The following DTNA variants were observed in gnomAD, a reference collection of about 807,000 sequenced individuals.
DTNA encodes dystrophin-related protein 3.
In DTNA, 43 loss-of-function variants were observed where a neutral mutation model predicts 100.7. The observed-to-expected ratio is 0.43, with a 90% CI of 0.33 to 0.55. DTNA has a LOEUF of 0.55. Ranked by LOEUF, DTNA falls within the 20% of genes least tolerant of loss-of-function variation. The pLI, the probability that DTNA is intolerant of heterozygous loss-of-function variation, is 0.04. For synonymous variants in DTNA, 349 were observed against 347.9 expected (o/e 1.00, Z -0.04); for missense variants, 798 against 953.9 (o/e 0.84, Z 2.15).
intron 9 of DTNA, among the ~76,000 whole-genome samples, chr18:34,824,390 G>T (rs1033534133): frequency 3.2e-4 from 48 of 152,140 alleles, no homozygotes; most frequent in African/African-American, 1.0e-3. Flanking sequence ...GCAGGAGAAT[G>T]GCGTGAACCA....
intron 1 of DTNA, among the ~76,000 whole-genome samples, chr18:34,614,659 A>C (rs2054887339): frequency 6.6e-6 from 1 of 152,192 alleles, no homozygotes; most frequent in Non-Finnish European, 1.5e-5. Context: ...AAAGAAATAG[A>C]ATTAGAAGTA....
rs1027535673 is a variant in DTNA, at chr18:34,578,450, C to T, written c.-2+84936C>T. ...GCTGCCTGCTTACTGTTCCTTTTGC[C>T]ATGCAAAAGCTCTTTAGTTTAATTA... On this transcript the variant is annotated intron_variant, in intron 1 of 19. Transcript: ENST00000283365. Among the ~76,000 whole-genome samples the T allele has an allele frequency of 2.0e-5, 3 of 147,902 alleles. No individual in the cohort carries two copies. The East Asian group carries it at 5.8e-4, about 29-fold the overall frequency.
At chr18:34,857,717 A>G (rs2096570118) in intron 15 of DTNA, among the ~76,000 whole-genome samples, 1 of 152,186 alleles carries the variant, frequency 6.6e-6, no homozygotes, top group Non-Finnish European at 1.5e-5. Flanking sequence ...TTTAAGAAAA[A>G]AAAAAGAGAA....
At chr18:34,571,491 A>G (rs922586636) in intron 1 of DTNA, among the ~76,000 whole-genome samples, 5 of 152,078 alleles carry the variant, frequency 3.3e-5, no homozygotes, top group Non-Finnish European at 7.4e-5. Flanking sequence ...CTGTAATCCC[A>G]TCACTTTGGG....
chr18:34,618,116 C>T (rs530531218), intron 1 of DTNA, among the ~76,000 whole-genome samples: 12 of 152,182 alleles, frequency 7.9e-5, no homozygotes, highest in East Asian at 5.8e-4. Context: ...GTTAATTTTC[C>T]GGAAGAGGAA....
intron 1 of DTNA, among the ~76,000 whole-genome samples, chr18:34,586,531 G>T (rs2049156054): frequency 1.3e-5 from 2 of 151,932 alleles, no homozygotes; most frequent in South Asian, 4.2e-4. Context: ...TAACACAAAT[G>T]AATATGCTGA....
At chr18:34,528,270 A>G (rs1192348288) in intron 1 of DTNA, among the ~76,000 whole-genome samples, 1 of 152,078 alleles carries the variant, frequency 6.6e-6, no homozygotes, top group Non-Finnish European at 1.5e-5. Flanking sequence ...GTTACTTGGA[A>G]CTGAAGAAGA....
At chr18:34,825,883 A>G (rs2095848650) in intron 9 of DTNA, among the ~76,000 whole-genome samples, 1 of 152,186 alleles carries the variant, frequency 6.6e-6, no homozygotes, top group Admixed American at 6.5e-5. Flanking sequence ...CAATGAAGAT[A>G]TTATACTCTG....
At chr18:34,785,671 A>G (rs1186638446) in intron 3 of DTNA, among the ~76,000 whole-genome samples, 2 of 152,162 alleles carry the variant, frequency 1.3e-5, no homozygotes, top group Non-Finnish European at 2.9e-5. Context: ...GTCAAATCCC[A>G]TTGTATACCT....
chr18:34,550,340 T>C (rs2045272206), intron 1 of DTNA, among the ~76,000 whole-genome samples: 1 of 151,602 alleles, frequency 6.6e-6, no homozygotes, highest in Admixed American at 6.6e-5. Flanking sequence ...GTGCATGGAG[T>C]GGTTGATTGA....
chr18:34,510,599 A>G (rs897546899), intron 1 of DTNA, among the ~76,000 whole-genome samples: 3 of 148,526 alleles, frequency 2.0e-5, no homozygotes, highest in African/African-American at 5.0e-5. Context: ...CTGTGGCTCA[A>G]TGTGACTAGG....
At chr18:34,584,522 A>G (rs373934742) in intron 1 of DTNA, among the ~76,000 whole-genome samples, 1 of 152,058 alleles carries the variant, frequency 6.6e-6, no homozygotes, top group East Asian at 1.9e-4. Flanking sequence ...CAGAACAAAG[A>G]TGAGAGACTC....
chr18:34,650,534 G>A (rs950053085), intron 1 of DTNA, among the ~76,000 whole-genome samples: 3 of 152,040 alleles, frequency 2.0e-5, no homozygotes, highest in East Asian at 3.9e-4. Context: ...GTTAATCATC[G>A]TTTGAATTTG....
intron 1 of DTNA, among the ~76,000 whole-genome samples, chr18:34,695,270 G>T (rs540695419): frequency 1.3e-5 from 2 of 152,104 alleles, no homozygotes; most frequent in Non-Finnish European, 2.9e-5. Context: ...GCTGTTGTGT[G>T]TAAAGTTGTA....
chr18:34,760,459 ACT>A (rs1224179957), intron 2 of DTNA, among the ~76,000 whole-genome samples: 1 of 151,864 alleles, frequency 6.6e-6, no homozygotes, highest in Non-Finnish European at 1.5e-5. Flanking sequence ...CCCCAAAACA[ACT>A]CTCATTTCTC....
At chr18:34,847,394 C>T (rs1369468426) in intron 13 of DTNA, among the ~76,000 whole-genome samples, 1 of 152,124 alleles carries the variant, frequency 6.6e-6, no homozygotes, top group Non-Finnish European at 1.5e-5. Flanking sequence ...ATAGATGAGA[C>T]TTGTATTAGT....
At chr18:34,719,270 G>A (rs2084745691) in intron 1 of DTNA, among the ~76,000 whole-genome samples, 1 of 152,096 alleles carries the variant, frequency 6.6e-6, no homozygotes, top group South Asian at 2.1e-4. Flanking sequence ...CTTGAACCAG[G>A]GAGGTGAAGG....
intron 1 of DTNA, among the ~76,000 whole-genome samples, chr18:34,664,104 G>T (rs1195599825): frequency 6.6e-6 from 1 of 152,030 alleles, no homozygotes; most frequent in Non-Finnish European, 1.5e-5. Context: ...AATCTGAAAG[G>T]CTATGAAAAG....
At chr18:34,613,822 G>T (rs982206243) in intron 1 of DTNA, among the ~76,000 whole-genome samples, 2 of 152,248 alleles carry the variant, frequency 1.3e-5, no homozygotes, top group African/African-American at 4.8e-5. Flanking sequence ...AAGTACTGAT[G>T]TAGAAGCTGA....
Sources: gnomAD v4.1 joint callset for allele counts (sites outside exome capture counted in the v4.1 genomes callset) on GRCh38, gnomAD v4.1.1 for gene constraint, MANE v1.5 for transcripts, NCBI Gene and HGNC (gene_info 2026-07-23, HGNC 2026-07-21) for gene names.